MTOR: variants seen among roughly 807,000 people sequenced by gnomAD.
MTOR encodes mechanistic target of rapamycin kinase.
In MTOR, 70 loss-of-function variants were observed where a neutral mutation model predicts 319.8. The ratio of observed to expected loss-of-function variants is 0.22; its 90% confidence interval spans 0.18 to 0.27. MTOR has a LOEUF of 0.27. MTOR is among the 10% of genes least tolerant of loss of function. The pLI is 1.00. For synonymous variants in MTOR, 1,183 were observed against 1,211.4 expected, an observed-to-expected ratio of 0.98 and a Z score of 0.49; for missense variants, 1,890 against 3,274.4, an observed-to-expected ratio of 0.58 and a Z score of 10.32.
At chr1:11,186,692 T>C (rs1645331908) in intron 28 of MTOR, among the ~76,000 whole-genome samples, 1 of 152,230 alleles carries the variant, frequency 6.6e-6, no homozygotes, top group Non-Finnish European at 1.5e-5. Flanking sequence ...ACATCCTTCA[T>C]GGTTTTCTCT....
intron 26 of MTOR, among the ~76,000 whole-genome samples, chr1:11,201,066 C>T (rs972724465): frequency 6.6e-6 from 1 of 151,720 alleles, no homozygotes. Flanking sequence ...TAATTACAGT[C>T]GCTGGTCATC....
At chr1:11,206,094 A>G (rs1026714611) in intron 25 of MTOR, among the ~76,000 whole-genome samples, 6 of 152,220 alleles carry the variant, frequency 3.9e-5, no homozygotes, top group Non-Finnish European at 1.5e-5. Context: ...AGAACCTCTG[A>G]ATGAGAAGGA....
At chr1:11,135,554 C>T (rs535883047) in intron 36 of MTOR, among the ~76,000 whole-genome samples, 8 of 152,304 alleles carry the variant, frequency 5.3e-5, no homozygotes, top group African/African-American at 1.4e-4. Flanking sequence ...AACATGTTAG[C>T]CAGGTGCAGT....
chr1:11,236,339 T>C (rs1193978070), intron 13 of MTOR, among the ~76,000 whole-genome samples: 1 of 152,008 alleles, frequency 6.6e-6, no homozygotes, highest in Non-Finnish European at 1.5e-5. Flanking sequence ...GTTTGTCATG[T>C]TCCCCAGGCT....
chr1:11,221,876 A>C (rs926903291), intron 19 of MTOR, among the ~76,000 whole-genome samples: 1 of 150,768 alleles, frequency 6.6e-6, no homozygotes, highest in African/African-American at 2.4e-5. Flanking sequence ...TGACTAAATG[A>C]CTTTCACTTG....
intron 28 of MTOR, among the ~76,000 whole-genome samples, chr1:11,190,520 G>T (rs1645486096): frequency 6.6e-6 from 1 of 152,144 alleles, no homozygotes; most frequent in African/African-American, 2.4e-5. Flanking sequence ...GAAGGATGCG[G>T]CTCCTTAAGG....
intron 5 of MTOR, 22 bp downstream of exon 5, chr1:11,255,970 G>C: frequency 6.2e-7 from 1 of 1,603,040 alleles, no homozygotes. Flanking sequence ...TGCTAGTGGT[G>C]GGAATGGAGC....
At chr1:11,237,787 C>T in intron 13 of MTOR, 56 bp downstream of exon 13, 1 of 1,592,796 alleles carries the variant, frequency 6.3e-7, no homozygotes, top group Non-Finnish European at 8.6e-7. Context: ...TCAAGCAGTT[C>T]TCACAGCGAG....
intron 6 of MTOR, 146 bp from the exon 7 acceptor site, chr1:11,248,240 GT>G: frequency 1.2e-6 from 1 of 862,234 alleles, no homozygotes; most frequent in Non-Finnish European, 1.8e-6. Context: ...CATGTTTAGG[GT>G]TACAATTTCC....
chr1:11,227,135 T>C (rs1646865879), intron 19 of MTOR, among the ~76,000 whole-genome samples: 1 of 150,962 alleles, frequency 6.6e-6, no homozygotes, highest in Non-Finnish European at 1.5e-5. Context: ...CTGTCTCTAC[T>C]AAAAATACAA....
intron 36 of MTOR, among the ~76,000 whole-genome samples, chr1:11,138,258 G>A (rs893764734): frequency 6.6e-6 from 1 of 152,172 alleles, no homozygotes; most frequent in Admixed American, 6.5e-5. Context: ...GTCAGGCTTT[G>A]AATCAGAAAT....
chr1:11,258,748 T>C (rs766742274), intron 2 of MTOR, among the ~76,000 whole-genome samples, 155 bp from the exon 3 acceptor site: 1 of 152,228 alleles, frequency 6.6e-6, no homozygotes, highest in Non-Finnish European at 1.5e-5. Context: ...GATTACACTG[T>C]AGAGTACCTG....
intron 52 of MTOR, 103 bp downstream of exon 52, chr1:11,114,710 A>G: frequency 8.0e-7 from 1 of 1,255,348 alleles, no homozygotes; most frequent in Non-Finnish European, 1.1e-6. Context: ...CAAAAATCAC[A>G]AAGGCACTTT....
intron 20 of MTOR, among the ~76,000 whole-genome samples, chr1:11,215,609 G>A (rs914185857): frequency 1.3e-5 from 2 of 152,172 alleles, no homozygotes; most frequent in Non-Finnish European, 2.9e-5. Context: ...CCCATGGGGT[G>A]TCTTCTGGCA....
chr1:11,248,243 A>G (rs1649106438), intron 6 of MTOR, 149 bp from the exon 7 acceptor site: 1 of 838,202 alleles, frequency 1.2e-6, no homozygotes, highest in African/African-American at 1.7e-5. Flanking sequence ...GTTTAGGGTT[A>G]CAATTTCCCC....
intron 36 of MTOR, among the ~76,000 whole-genome samples, chr1:11,138,228 T>C (rs903251554): frequency 5.9e-5 from 9 of 152,320 alleles, no homozygotes; most frequent in African/African-American, 2.2e-4. Flanking sequence ...CCTTCTGTTT[T>C]TCTCATTTGC....
intron 8 of MTOR, among the ~76,000 whole-genome samples, chr1:11,244,557 G>A (rs1022353192): frequency 5.9e-5 from 9 of 152,160 alleles, no homozygotes; most frequent in Non-Finnish European, 7.4e-5. Context: ...CTTGAACCCG[G>A]GAGGCAGAGG....
intron 45 of MTOR, 25 bp from the exon 46 acceptor site, chr1:11,126,821 A>T (rs2100398410): frequency 1.9e-6 from 3 of 1,609,444 alleles, no homozygotes; most frequent in Non-Finnish European, 2.5e-6. Context: ...CAAAGGATTT[A>T]GTGTTCTGCC....
rs1430805382 is a variant in MTOR at position 11,238,458 on chromosome 1, A to G, written c.1946T>C (p.Val649Ala). The G allele has an allele frequency of 1.2e-6, 2 of 1,614,202 alleles. No individual in the cohort carries two copies. Among genetic ancestry groups the G allele is most frequent in the Non-Finnish European group, 1.7e-6 (2 of 1,180,020 alleles). Residue 649 changes from valine (V) to alanine (A), a missense_variant, in exon 12 of 58, where the codon GTG becomes GCG. Physicochemically the swap from Val to Ala is moderately conservative, Grantham distance 64. Transcript: ENST00000361445. ...GHAHVVSQTA[V>A]QVVADVLSKL... The stretch of plus-strand genomic sequence containing the variant: ...GCTAAGCACATCTGCCACCACTTGC[A>G]CTGCGGTCTGGCTAACCACATGAGC...
Sources: gnomAD v4.1 joint callset for allele counts (sites outside exome capture counted in the v4.1 genomes callset) on GRCh38, gnomAD v4.1.1 for gene constraint, MANE v1.5 for transcripts, NCBI Gene and HGNC (gene_info 2026-07-23, HGNC 2026-07-21) for gene names.